NRDC: variants seen among roughly 807,000 people sequenced by gnomAD.
NRDC encodes the protein nardilysin.
NRDC carries 54 observed loss-of-function variants against 147.1 expected under a neutral mutation model. The ratio of observed to expected loss-of-function variants is 0.37; its 90% CI spans 0.29 to 0.46. NRDC has a LOEUF of 0.46. Ranked by LOEUF, NRDC falls within the 20% of genes least tolerant of loss-of-function variation. The pLI is 1.00. For synonymous variants in NRDC, 440 were observed against 482.1 expected, an observed-to-expected ratio of 0.91 and a Z score of 1.14; for missense variants, 1,082 against 1,370.6, an observed-to-expected ratio of 0.79 and a Z score of 3.33.
intron 1 of NRDC, among the ~76,000 whole-genome samples, chr1:51,855,491 GA>G (rs56862218): frequency 3.2e-4 from 46 of 144,962 alleles, no homozygotes; most frequent in Non-Finnish European, 4.9e-4. Context: ...CCCTTATAAA[GA>G]AAAAAAAAAT....
chr1:51,842,632 G>A (rs1188409927), intron 1 of NRDC, among the ~76,000 whole-genome samples: 2 of 152,240 alleles, frequency 1.3e-5, no homozygotes, highest in East Asian at 1.9e-4. Flanking sequence ...TTAAAAACAT[G>A]AGTGAAAAAA....
intron 1 of NRDC, 116 bp from the exon 2 acceptor site, chr1:51,840,630 C>T: frequency 1.5e-6 from 1 of 685,726 alleles, no homozygotes; most frequent in Admixed American, 3.1e-5. Context: ...CAAACACACA[C>T]ACACACAACT....
intron 28 of NRDC, 82 bp downstream of exon 28, chr1:51,790,818 A>C: frequency 8.2e-7 from 1 of 1,213,384 alleles, no homozygotes; most frequent in South Asian, 1.3e-5. Flanking sequence ...AAGCTCAAAA[A>C]CTGGCCGGCG....
Position 51,809,385 on chromosome 1 carries a change from C to A in NRDC, c.1920G>T (p.Trp640Cys), listed in dbSNP as rs758861073. Residue 640 changes from tryptophan (W) to cysteine (C), a missense_variant, in exon 17 of 31, where the codon TGG (tryptophan) becomes TGT (cysteine). Trp to Cys is a radical substitution (Grantham distance 215). Coordinates refer to ENST00000352171, the MANE Select transcript of NRDC (RefSeq NM_001101662.2). Reference sequence around the variant, plus strand: ...CGAAATTACTATTCCACAGTTCAGCCCAAGAGTTTTCAATATCTGTAAAGG... The same window carrying A: ...CGAAATTACTATTCCACAGTTCAGCACAAGAGTTTTCAATATCTGTAAAGG... ...QYSIEDIENSWAELWNSNFEL... is the reference protein window; with the variant it reads ...QYSIEDIENSCAELWNSNFEL... 3.7e-6 allele frequency: 6 copies of A among 1,612,512 alleles called. No homozygotes were observed. Among genetic ancestry groups the A allele is most frequent in the Non-Finnish European group, 5.1e-6 (6 of 1,178,684 alleles).
Position 51,813,444 on chromosome 1 carries a change from C to T in NRDC, c.1674+591G>A, listed in dbSNP as rs534038160. On this transcript the variant is annotated intron_variant, in intron 14 of 30. Transcript: ENST00000352171. Reference sequence around the variant, plus strand: ...CACAGTGAGTAAACGACAGGCAGAGCGGACATCAGAACTCTGACCTCATAA... The same window carrying T: ...CACAGTGAGTAAACGACAGGCAGAGTGGACATCAGAACTCTGACCTCATAA... Among the ~76,000 whole-genome samples, 17 of 152,182 alleles carry T rather than the reference C, an allele frequency of 1.1e-4. No homozygotes were observed. In the East Asian group the frequency reaches 1.4e-3, roughly 12 times the overall value.
intron 1 of NRDC, among the ~76,000 whole-genome samples, chr1:51,861,330 CTTCTT>C (rs1682529663): frequency 3.1e-5 from 3 of 98,296 alleles, no homozygotes; most frequent in Non-Finnish European, 6.1e-5. Flanking sequence ...ATCTCTTCTT[CTTCTT>C]TTTTTTTTTT....
At chr1:51,816,618 T>C (rs540165122) in intron 10 of NRDC, among the ~76,000 whole-genome samples, 1 of 152,336 alleles carries the variant, frequency 6.6e-6, no homozygotes, top group South Asian at 2.1e-4. Context: ...CATCCCAAAA[T>C]TTAAGGGCAC....
rs1678814562 is a variant in NRDC at position 51,794,734 on chromosome 1, G to A, written c.2636+89C>T. ...TCTACTACAAGTAGTATTTCAATTG[G>A]GTGTTTAGTAACAATTAACTGAATT... On this transcript the variant is annotated intron_variant, in intron 23 of 30. Transcript: ENST00000352171. 6.9e-6 allele frequency: 11 copies of A among 1,583,060 alleles called. No homozygotes were observed. The South Asian group carries it at 1.2e-4, about 18-fold the overall frequency.
chr1:51,812,332 A>G (rs1342980712), intron 14 of NRDC, among the ~76,000 whole-genome samples: 1 of 152,224 alleles, frequency 6.6e-6, no homozygotes, highest in East Asian at 1.9e-4. Context: ...ACTTGAGACC[A>G]GCCTGGGCAA....
At chr1:51,866,895 G>A (rs1473351256) in intron 1 of NRDC, among the ~76,000 whole-genome samples, 1 of 152,116 alleles carries the variant, frequency 6.6e-6, no homozygotes, top group Non-Finnish European at 1.5e-5. Flanking sequence ...GAAGGTAATG[G>A]GAAGAGGCAA....
intron 1 of NRDC, among the ~76,000 whole-genome samples, chr1:51,867,189 CAA>C (rs71578086): frequency 2.7e-5 from 4 of 147,308 alleles, no homozygotes; most frequent in South Asian, 2.1e-4. Flanking sequence ...ATAAAGTAAC[CAA>C]AAAAAAAGAC....
At chr1:51,789,537 A>G in intron 30 of NRDC, 31 bp downstream of exon 30, 1 of 1,594,288 alleles carries the variant, frequency 6.3e-7, no homozygotes, top group Non-Finnish European at 8.6e-7. Flanking sequence ...TGACAACCCT[A>G]GAATGGATGG....
At chr1:51,869,731 T>A (rs1682991775) in intron 1 of NRDC, among the ~76,000 whole-genome samples, 1 of 152,222 alleles carries the variant, frequency 6.6e-6, no homozygotes, top group African/African-American at 2.4e-5. Context: ...CATGGCCTTA[T>A]CCAATATATA....
At chr1:51,830,057 C>T (rs2149215206) in intron 4 of NRDC, among the ~76,000 whole-genome samples, 1 of 151,212 alleles carries the variant, frequency 6.6e-6, no homozygotes, top group African/African-American at 2.4e-5. Flanking sequence ...CTCTGCCTCC[C>T]ACGTTCAAGC....
At chr1:51,818,228 A>G (rs1331816888) in intron 9 of NRDC, 93 bp from the exon 10 acceptor site, 2 of 816,136 alleles carry the variant, frequency 2.5e-6, no homozygotes, top group African/African-American at 3.6e-5. Context: ...TTTATCCTCC[A>G]ATAAACAAGG....
intron 1 of NRDC, among the ~76,000 whole-genome samples, chr1:51,864,029 T>C (rs764359241): frequency 2.0e-5 from 3 of 152,230 alleles, no homozygotes; most frequent in Non-Finnish European, 4.4e-5. Flanking sequence ...AAGTCTATTT[T>C]ATAATGAAGT....
intron 1 of NRDC, among the ~76,000 whole-genome samples, chr1:51,872,339 C>T (rs939122472): frequency 3.3e-5 from 5 of 151,644 alleles, no homozygotes; most frequent in Admixed American, 3.3e-4. Flanking sequence ...CACAGACATA[C>T]ACACACACAC....
At chr1:51,869,560 ATCTC>A (rs200164606) in intron 1 of NRDC, among the ~76,000 whole-genome samples, 1,789 of 152,284 alleles carry the variant, frequency 0.012, 13 homozygotes, top group Middle Eastern at 0.024. Context: ...ATCAGAGAAG[ATCTC>A]TCTATTTCAA....
rs751792003 is a variant in NRDC, at chr1:51,790,593, C to T, written c.3108G>A (p.Val1036=). The part of the protein sequence containing the change: ...ECEDTHLGEE[V]DRNWNEVVTQ... ...TAACCACTTCATTCCAGTTCCTATC[C>T]ACCTCCTCCCCAAGGTGGGTATCCT... The change falls in exon 29 of 31, where the codon GTG becomes GTA. Residue 1036 remains valine, a synonymous_variant. Coordinates refer to ENST00000352171, the MANE Select transcript of NRDC (RefSeq NM_001101662.2). 1.1e-5 allele frequency: 18 copies of T among 1,613,906 alleles called. No homozygotes were observed. In the African/African-American group the frequency reaches 2.0e-4, roughly 18 times the overall value.
Sources: allele counts gnomAD v4.1 joint callset (sites outside exome capture counted in the v4.1 genomes callset), GRCh38; gene constraint gnomAD v4.1.1; transcripts MANE v1.5; gene names NCBI Gene and HGNC (gene_info 2026-07-23, HGNC 2026-07-21).